DMD: variants seen among roughly 807,000 people sequenced by gnomAD.
DMD encodes mutant dystrophin.
A neutral mutation model predicts 330.1 loss-of-function variants in DMD; 63 were observed. That is an observed-to-expected ratio of 0.19 (90% CI 0.16 to 0.24). The LOEUF is 0.24. DMD is among the 10% of genes least tolerant of loss of function. The pLI is 1.00. For synonymous variants in DMD, 1,223 were observed against 959.8 expected (o/e 1.27, Z -5.07); for missense variants, 3,344 against 2,684.1 (o/e 1.25, Z -5.43).
intron 2 of DMD, among the ~76,000 whole-genome samples, chrX:32,948,269 G>T (rs956062149): frequency 1.8e-5 from 2 of 111,222 alleles, no homozygotes; most frequent in Non-Finnish European, 3.8e-5. Context: ...AATAAATCAG[G>T]TTCTTTAGAC....
At chrX:31,746,481 A>C (rs1348488476) in intron 51 of DMD, among the ~76,000 whole-genome samples, 1 of 112,258 alleles carries the variant, frequency 8.9e-6, no homozygotes, top group African/African-American at 3.2e-5. Flanking sequence ...CATTCATATA[A>C]ACCACTCTTG....
At chrX:32,450,761 T>A (rs889881843) in intron 26 of DMD, among the ~76,000 whole-genome samples, 2 of 111,096 alleles carry the variant, frequency 1.8e-5, no homozygotes, top group Non-Finnish European at 3.8e-5. Flanking sequence ...GTCTAATGAA[T>A]AAAATTACAA....
intron 6 of DMD, among the ~76,000 whole-genome samples, chrX:32,810,002 G>C (rs2077254203): frequency 9.6e-6 from 1 of 104,155 alleles, no homozygotes; most frequent in Admixed American, 1.1e-4. Context: ...CATGCCTACA[G>C]TTCCAACTAC....
intron 77 of DMD, among the ~76,000 whole-genome samples, chrX:31,130,639 C>A (rs775171858): frequency 3.6e-5 from 4 of 111,977 alleles, no homozygotes; most frequent in Non-Finnish European, 7.5e-5. Flanking sequence ...GAGAAGCATG[C>A]CACTCATTTA....
intron 48 of DMD, among the ~76,000 whole-genome samples, chrX:31,861,736 TACACACACAC>T (rs753295784): frequency 1.0e-3 from 77 of 76,869 alleles, no homozygotes; most frequent in Non-Finnish European, 1.6e-3. Flanking sequence ...AAGAGTGCTA[TACACACACAC>T]ACACACACAC....
intron 44 of DMD, among the ~76,000 whole-genome samples, chrX:32,025,235 A>T (rs2095838676): frequency 8.9e-6 from 1 of 112,482 alleles, no homozygotes; most frequent in South Asian, 3.6e-4. Flanking sequence ...TATCACTTAA[A>T]AGCACTTAGA....
At chrX:32,399,456 A>T (rs1310823871) in intron 30 of DMD, among the ~76,000 whole-genome samples, 3 of 112,002 alleles carry the variant, frequency 2.7e-5, no homozygotes, top group South Asian at 3.7e-4. Context: ...AAAGAAGATA[A>T]ATGACAAACG....
At chrX:31,375,071 A>T (rs1374211299) in intron 60 of DMD, among the ~76,000 whole-genome samples, 1 of 111,581 alleles carries the variant, frequency 9.0e-6, no homozygotes, top group African/African-American at 3.3e-5. Context: ...GGATTAACTC[A>T]TTTATGCCTA....
At chrX:31,519,681 C>T (rs1273614014) in intron 55 of DMD, among the ~76,000 whole-genome samples, 1 of 112,040 alleles carries the variant, frequency 8.9e-6, no homozygotes, top group African/African-American at 3.2e-5. Flanking sequence ...TAATCACAGA[C>T]ACTCATCAGA....
chrX:32,403,340 G>A (rs1202091131), intron 30 of DMD, among the ~76,000 whole-genome samples: 1 of 111,557 alleles, frequency 9.0e-6, no homozygotes, highest in African/African-American at 3.3e-5. Flanking sequence ...GTAGCGTGAA[G>A]TTATTAGACT....
chrX:33,303,661 T>G (rs1233970997), intron 1 of DMD, among the ~76,000 whole-genome samples: 1 of 111,388 alleles, frequency 9.0e-6, no homozygotes, highest in Non-Finnish European at 1.9e-5. Context: ...AAGTAAGTTC[T>G]CATGAGATCT....
chrX:31,349,065 A>G (rs6631295), intron 60 of DMD, among the ~76,000 whole-genome samples: 31,681 of 111,521 alleles, frequency 0.28, 3,381 homozygotes, highest in East Asian at 0.57. Context: ...AAATTTTTAA[A>G]GAAGCAATAT....
intron 60 of DMD, among the ~76,000 whole-genome samples, chrX:31,361,437 T>C (rs1462026073): frequency 9.0e-6 from 1 of 111,194 alleles, no homozygotes; most frequent in Non-Finnish European, 1.9e-5. Context: ...TGACTGCAGC[T>C]GAGACGAATT....
At chrX:32,202,515 C>T (rs2097045584) in intron 44 of DMD, among the ~76,000 whole-genome samples, 1 of 111,317 alleles carries the variant, frequency 9.0e-6, no homozygotes, top group African/African-American at 3.3e-5. Context: ...CCACGCCTGG[C>T]TAATTTTCAT....
intron 44 of DMD, among the ~76,000 whole-genome samples, chrX:32,137,269 A>G (rs2096731274): frequency 8.9e-6 from 1 of 111,765 alleles, no homozygotes; most frequent in African/African-American, 3.3e-5. Context: ...CTTTACAAAA[A>G]AAAGTTGTGC....
intron 52 of DMD, among the ~76,000 whole-genome samples, chrX:31,693,328 G>A (rs779071020): frequency 1.2e-3 from 135 of 111,723 alleles, no homozygotes; most frequent in African/African-American, 3.9e-3. Context: ...ATGCACAACA[G>A]TAAAACGTAG....
At chrX:31,621,942 C>A (rs890912427) in intron 55 of DMD, among the ~76,000 whole-genome samples, 4 of 111,988 alleles carry the variant, frequency 3.6e-5, no homozygotes, top group African/African-American at 1.3e-4. Context: ...GTGACTTTCT[C>A]TAAACAGAGG....
At chrX:32,880,514 C>A (rs370392818) in intron 2 of DMD, among the ~76,000 whole-genome samples, 1 of 111,718 alleles carries the variant, frequency 9.0e-6, no homozygotes, top group East Asian at 2.8e-4. Flanking sequence ...CCCATGCATA[C>A]CCCCGTGGTA....
At chrX:32,475,289 G>A (rs2041115358) in intron 21 of DMD, among the ~76,000 whole-genome samples, 1 of 111,456 alleles carries the variant, frequency 9.0e-6, no homozygotes, top group Non-Finnish European at 1.9e-5. Context: ...CAGGTAGTGT[G>A]ATGCCTCCAG....
Sources: gnomAD v4.1 joint callset for allele counts (sites outside exome capture counted in the v4.1 genomes callset) on GRCh38, gnomAD v4.1.1 for gene constraint, MANE v1.5 for transcripts, NCBI Gene and HGNC (gene_info 2026-07-23, HGNC 2026-07-21) for gene names.